Variants in F12 observed in about 807,000 individuals in gnomAD.
F12 encodes the protein Hageman factor.
Under a neutral mutation model 74.8 loss-of-function variants are expected in F12, and 70 were observed. The observed-to-expected ratio is 0.94, with a 90% CI of 0.77 to 1.14. The LOEUF is 1.14. Ranked by LOEUF, F12 falls within the 50% of genes most tolerant of loss-of-function variation. The pLI is 0.00. For missense variants in F12, 811 were observed against 835.7 expected (o/e 0.97, Z 0.36); for synonymous variants, 373 against 356.4 (o/e 1.05, Z -0.52).
chr5:177,403,169 C>T, intron 12 of F12, 85 bp downstream of exon 12: 1 of 1,571,058 alleles, frequency 6.4e-7, no homozygotes, highest in South Asian at 1.1e-5. Flanking sequence ...GCACCCGGAA[C>T]GATACCAAAG....
At position 177,405,998 on chromosome 5, in the gene F12, T is replaced by G; in HGVS notation, c.179A>C (p.Lys60Thr). 1 of 1,614,056 alleles carries G rather than the reference T, an allele frequency of 6.2e-7. No homozygotes were observed. The highest frequency in any genetic ancestry group is 8.5e-7 in the Non-Finnish European group (1 of 1,180,014). The change falls in exon 3 of 14, where the codon AAA (lysine) becomes ACA (threonine). Residue 60 changes from lysine (K) to threonine (T), a missense_variant. By Grantham distance (78) the Lys-to-Thr change is moderately conservative (BLOSUM62 -1). Coordinates refer to ENST00000253496, the MANE Select transcript of F12 (RefSeq NM_000505.4). ...PFQYHRQLYH[K>T]CTHKGRPGPQ... ...GCCTGGCCGGCCCTTGTGGGTACATTTGTGGTACAGCTGCCGGTGGTACTG... is the reference window on the plus strand; with the variant it reads ...GCCTGGCCGGCCCTTGTGGGTACATGTGTGGTACAGCTGCCGGTGGTACTG...
rs1230655465 is a variant in F12 at position 177,402,419 on chromosome 5, G to A, written c.1721C>T (p.Ala574Val). 6.2e-7 allele frequency: 1 copy of A among 1,612,372 alleles called. No homozygotes were observed. Among genetic ancestry groups the A allele is most frequent in the Non-Finnish European group, 8.5e-7 (1 of 1,179,446 alleles). Residue 574 changes from alanine (A) to valine (V), a missense_variant, in exon 14 of 14, where the codon GCA (alanine) becomes GTA (valine). Transcript: ENST00000253496. ...GGPLVCEDQA[A>V]ERRLTLQGII... ...GCCTTGCAGGGTGAGCCGGCGCTCT[G>A]CAGCTTGGTCCTCACACACCAGCGG...
chr5:177,409,006 C>G lies in F12; in HGVS notation c.115+40G>C, dbSNP rs527825581. The stretch of plus-strand genomic sequence containing the variant: ...TGCACACACTGCACCATACACATCC[C>G]CACCCAAGGGTTCCCGGGAGGAGGA... On this transcript the variant is annotated intron_variant, in intron 2 of 13. Coordinates refer to ENST00000253496, the MANE Select transcript of F12 (RefSeq NM_000505.4). The G allele has an allele frequency of 6.7e-5, 103 of 1,547,234 alleles. No homozygotes were observed. In the South Asian group the frequency reaches 1.2e-3, roughly 18 times the overall value.
At chr5:177,408,343 C>T (rs772352673) in intron 2 of F12, among the ~76,000 whole-genome samples, 31 of 152,168 alleles carry the variant, frequency 2.0e-4, no homozygotes, top group Non-Finnish European at 4.1e-4. Context: ...CATGAGCCAC[C>T]ATGCCTGGCA....
rs746002981 is a variant in F12 at position 177,405,358 on chromosome 5, C to T, written c.362G>A (p.Cys121Tyr). ...VNMPSGPHCLCPQHLTGNHCQ... is the reference protein window; with the variant it reads ...VNMPSGPHCLYPQHLTGNHCQ... The stretch of plus-strand genomic sequence containing the variant: ...GTGGTTTCCAGTGAGGTGTTGTGGA[C>T]AGAGACAGTGGGGGCCGCTTGGCAT... Residue 121 changes from cysteine (C) to tyrosine (Y), a missense_variant, in exon 5 of 14, where the codon TGT becomes TAT. Coordinates refer to ENST00000253496, the MANE Select transcript of F12 (RefSeq NM_000505.4). 11 of 1,614,196 alleles carry T rather than the reference C, an allele frequency of 6.8e-6. No homozygotes were observed. The highest frequency in any genetic ancestry group is 9.3e-6 in the Non-Finnish European group (11 of 1,180,034).
At chr5:177,409,425 C>T (rs4314418) in intron 1 of F12, 46 bp downstream of exon 1, 6 of 1,599,804 alleles carry the variant, frequency 3.8e-6, no homozygotes, top group Non-Finnish European at 5.1e-6. Flanking sequence ...GTGATAGCGA[C>T]CCCCCAGAAC....
Position 177,409,116 on chromosome 5 carries a change from GA to G in F12, c.58-14del. 6.4e-7 allele frequency: 1 copy of G among 1,551,518 alleles called. No homozygotes were observed. The highest frequency in any genetic ancestry group is 8.7e-7 in the Non-Finnish European group (1 of 1,146,912). On this transcript the variant is annotated splice_polypyrimidine_tract_variant and intron_variant, in intron 1 of 13. Coordinates refer to ENST00000253496, the MANE Select transcript of F12 (RefSeq NM_000505.4). ...CCCAAGGTGGAATCTACAAGGGAGA[GA>G]AGAAGGCAGGGAACTGACTATAAGT...
chr5:177,409,402 A>C, intron 1 of F12, 69 bp downstream of exon 1: 1 of 1,554,594 alleles, frequency 6.4e-7, no homozygotes, highest in Non-Finnish European at 8.9e-7. Context: ...AGCAGAGGCC[A>C]TGGCTCATGG....
intron 8 of F12, 25 bp downstream of exon 8, chr5:177,404,474 G>A (rs1763232730): frequency 6.3e-7 from 1 of 1,593,750 alleles, no homozygotes; most frequent in Middle Eastern, 1.7e-4. Context: ...GGGGCGGAGG[G>A]GTCACCCAGC....
chr5:177,402,616 G>T lies in F12; in HGVS notation c.1614C>A (p.His538Gln). The T allele has an allele frequency of 6.2e-7, 1 of 1,613,190 alleles. No individual in the cohort carries two copies. The highest frequency in any genetic ancestry group is 8.5e-7 in the Non-Finnish European group (1 of 1,180,000). The change falls in exon 13 of 14, where the codon CAC becomes CAA. Residue 538 changes from histidine (H) to glutamine (Q), a missense_variant. Transcript: ENST00000253496. Reference sequence around the variant, plus strand: ...GCATGCCGGGGAGGATGGAGGATCCGTGCACGTCCGGGGCTGAGCAGCGCT... The same window carrying T: ...GCATGCCGGGGAGGATGGAGGATCCTTGCACGTCCGGGGCTGAGCAGCGCT... ...SLERCSAPDV[H>Q]GSSILPGMLC...
chr5:177,404,962 C>T, intron 6 of F12, 48 bp from the exon 7 acceptor site: 5 of 1,586,080 alleles, frequency 3.2e-6, no homozygotes, highest in Non-Finnish European at 4.3e-6. Flanking sequence ...AAGACCCCCC[C>T]AGAGAGCTCT....
Position 177,403,470 on chromosome 5 carries a change from C to T in F12, c.1387+11G>A. On this transcript the variant is annotated intron_variant, in intron 11 of 13. Coordinates refer to ENST00000253496, the MANE Select transcript of F12 (RefSeq NM_000505.4). ...GCTCTCTTCCCGTCCCCGCGGGGCG[C>T]CCCCACGCACCCAGGTCGTGCTGGT... The T allele has an allele frequency of 1.9e-6, 3 of 1,558,160 alleles. No individual in the cohort carries two copies. Among genetic ancestry groups the T allele is most frequent in the Non-Finnish European group, 2.6e-6 (3 of 1,156,420 alleles).
chr5:177,405,304 G>A lies in F12; in HGVS notation c.397+19C>T. On this transcript the variant is annotated intron_variant, in intron 5 of 13. Coordinates refer to ENST00000253496, the MANE Select transcript of F12 (RefSeq NM_000505.4). Reference sequence around the variant, plus strand: ...CCCTGTCCCCCAGCACCCCGCCCAGGTCCTCCACATCTCCTCACCTTTCTG... The same window carrying A: ...CCCTGTCCCCCAGCACCCCGCCCAGATCCTCCACATCTCCTCACCTTTCTG... 6.2e-7 allele frequency: 1 copy of A among 1,613,798 alleles called. No homozygotes were observed. Among genetic ancestry groups the A allele is most frequent in the Non-Finnish European group, 8.5e-7 (1 of 1,179,858 alleles).
intron 12 of F12, chr5:177,403,001 CAGCCCGGCGCCCAGAGGGAACCAAG>C (rs909700844): frequency 5.7e-5 from 39 of 688,762 alleles, no homozygotes; most frequent in Non-Finnish European, 9.1e-5. Flanking sequence ...TTGGCCTTTG[CAGCCCGGCGCCCAGAGGGAACCAAG>C]AGCAAGTTCG....
intron 7 of F12, 27 bp from the exon 8 acceptor site, chr5:177,404,691 A>C: frequency 6.2e-7 from 1 of 1,606,894 alleles, no homozygotes; most frequent in South Asian, 1.1e-5. Flanking sequence ...CTCCCTGGGC[A>C]GCCAAGGCTG....
chr5:177,403,617 C>T lies in F12; in HGVS notation c.1251G>A (p.Arg417=). The part of the protein sequence containing the change: ...VLTAAHCLQD[R]PAPEDLTVVL... Reference sequence around the variant, plus strand: ...CCACCGTCAGATCCTCGGGTGCGGGCCTGCGGGGGGGGTAGGGGAGAGGCA... The same window carrying T: ...CCACCGTCAGATCCTCGGGTGCGGGTCTGCGGGGGGGGTAGGGGAGAGGCA... Residue 417 remains arginine (R), a splice_region_variant and synonymous_variant, in exon 11 of 14, where the codon CGG becomes CGA. Coordinates refer to ENST00000253496, the MANE Select transcript of F12 (RefSeq NM_000505.4). The T allele has an allele frequency of 2.5e-6, 4 of 1,604,444 alleles. No individual in the cohort carries two copies. Among genetic ancestry groups the T allele is most frequent in the Non-Finnish European group, 3.4e-6 (4 of 1,179,262 alleles).
rs1220023055 is a variant in F12, at chr5:177,403,818, G to T, written c.1250+41C>A. 9 of 1,475,142 alleles carry T rather than the reference G, an allele frequency of 6.1e-6. No individual in the cohort carries two copies. In the East Asian group the frequency reaches 2.0e-4, roughly 33 times the overall value. The allele number at this position is 1,475,142 out of a possible 1,614,324, so 91.4% of individuals were successfully genotyped here. Reference sequence around the variant, plus strand: ...GGAAGCTGCGCTGGGAGACGGAGGAGCCGCGGCCCCTGGGGCGGCTCTGGG... The same window carrying T: ...GGAAGCTGCGCTGGGAGACGGAGGATCCGCGGCCCCTGGGGCGGCTCTGGG... On this transcript the variant is annotated intron_variant, in intron 10 of 13. Coordinates refer to ENST00000253496, the MANE Select transcript of F12 (RefSeq NM_000505.4).
chr5:177,405,450 G>A lies in F12; in HGVS notation c.287-17C>T. 6.2e-7 allele frequency: 1 copy of A among 1,607,762 alleles called. No individual in the cohort carries two copies. The highest frequency in any genetic ancestry group is 8.5e-7 in the Non-Finnish European group (1 of 1,176,340). ...TGCAGTGGTCTGAGAGATGGACATG[G>A]TGGAAGGAAGAGCAGGGAGCTGAGT... is the stretch of plus-strand genomic sequence containing the variant. On this transcript the variant is annotated splice_polypyrimidine_tract_variant and intron_variant, in intron 4 of 13. Coordinates refer to ENST00000253496, the MANE Select transcript of F12 (RefSeq NM_000505.4).
Position 177,405,401 on chromosome 5 carries a change from C to T in F12, c.319G>A (p.Gly107Arg), listed in dbSNP as rs942858184. The change falls in exon 5 of 14, where the codon GGA (glycine) becomes AGA (arginine). Residue 107 changes from glycine (G) to arginine (R), a missense_variant. Coordinates refer to ENST00000253496, the MANE Select transcript of F12 (RefSeq NM_000505.4). Reference sequence around the variant, plus strand: ...CTTGGCATGTTCACACAGGTCCCTCCTTTCTGGCAGGGGCTGTGTTTGCTG... The same window carrying T: ...CTTGGCATGTTCACACAGGTCCCTCTTTTCTGGCAGGGGCTGTGTTTGCTG... ...HCSKHSPCQK[G>R]GTCVNMPSGP... 3.7e-6 allele frequency: 6 copies of T among 1,613,960 alleles called. No individual in the cohort carries two copies. The Admixed American group carries it at 6.7e-5, about 18-fold the overall frequency.
Sources: gnomAD v4.1 joint callset for allele counts (sites outside exome capture counted in the v4.1 genomes callset) on GRCh38, gnomAD v4.1.1 for gene constraint, MANE v1.5 for transcripts, NCBI Gene and HGNC (gene_info 2026-07-23, HGNC 2026-07-21) for gene names.